PKD1L3: variants seen among roughly 807,000 people sequenced by gnomAD.
The protein encoded by PKD1L3 is polycystin-1-like protein 3.
PKD1L3 carries 239 observed loss-of-function variants against 184.1 expected under a neutral mutation model. The observed-to-expected ratio is 1.30, with a 90% CI of 1.17 to 1.45. The LOEUF (loss-of-function observed/expected upper bound fraction) is 1.45, where lower values mean the gene tolerates loss of function less well. Ranked by LOEUF, PKD1L3 falls within the 40% of genes most tolerant of loss-of-function variation. The pLI, the probability that PKD1L3 is intolerant of heterozygous loss-of-function variation, is 0.00. For synonymous variants in PKD1L3, 996 were observed against 778.8 expected (o/e 1.28, Z -4.64); for missense variants, 2,660 against 2,067.2 (o/e 1.29, Z -5.56).
At chr16:71,933,359 C>T in intron 28 of PKD1L3, 61 bp downstream of exon 28, 2 of 1,262,238 alleles carry the variant, frequency 1.6e-6, no homozygotes, top group Non-Finnish European at 2.3e-6. Flanking sequence ...TCATAAGGAC[C>T]CCCCCAATTT....
Position 71,980,028 on chromosome 16 carries a change from T to G in PKD1L3, c.1250A>C (p.Asn417Thr), listed in dbSNP as rs557582660. 1 of 1,551,978 alleles carries G rather than the reference T, an allele frequency of 6.4e-7. No individual in the cohort carries two copies. Among genetic ancestry groups the G allele is most frequent in the Admixed American group, 2.0e-5 (1 of 50,976 alleles). ...TAACCTGCTCAGCAGCAGAGTAGCA[T>G]TGGCAGAGGTCAAAGTCACTGAAGA... ...PESSVTLTSA[N>T]ATLLLSRQNI... Residue 417 changes from asparagine (N) to threonine (T), a missense_variant, in exon 8 of 30, where the codon AAT becomes ACT. Asn to Thr is a moderately conservative substitution (Grantham distance 65, BLOSUM62 0). Transcript: ENST00000620267.
intron 4 of PKD1L3, among the ~76,000 whole-genome samples, chr16:71,986,879 G>C (rs1386707400): frequency 6.7e-6 from 1 of 149,108 alleles, no homozygotes; most frequent in Non-Finnish European, 1.5e-5. Flanking sequence ...GAGAGAAAGT[G>C]GATGTCATGG....
intron 15 of PKD1L3, 99 bp from the exon 16 acceptor site, chr16:71,963,450 A>G (rs1361024733): frequency 8.0e-7 from 1 of 1,250,470 alleles, no homozygotes; most frequent in Non-Finnish European, 1.1e-6. Context: ...GTCCAAGTAA[A>G]TGAACTGTTT....
At chr16:71,992,224 G>T (rs924174200) in intron 3 of PKD1L3, among the ~76,000 whole-genome samples, 2 of 152,174 alleles carry the variant, frequency 1.3e-5, no homozygotes. Context: ...TAGGCATATT[G>T]CTTGTTAGGT....
intron 16 of PKD1L3, among the ~76,000 whole-genome samples, chr16:71,961,163 T>C (rs2039263494): frequency 6.6e-6 from 1 of 152,104 alleles, no homozygotes; most frequent in Non-Finnish European, 1.5e-5. Context: ...TCTTCACTCC[T>C]TCGCACAGGC....
rs1238210945 is a variant in PKD1L3 at position 71,948,636 on chromosome 16, C to T, written c.3619-1045G>A. Among the ~76,000 whole-genome samples, 3 of 152,074 alleles carry T rather than the reference C, an allele frequency of 2.0e-5. No homozygotes were observed. The East Asian group carries it at 5.8e-4, about 29-fold the overall frequency. On this transcript the variant is annotated intron_variant, in intron 21 of 29. Transcript: ENST00000620267. Reference sequence around the variant, plus strand: ...TTTTCCTTAACGAGCACTGGCTGTTCATTTCCTTGGCATTACTGTGTATTA... The same window carrying T: ...TTTTCCTTAACGAGCACTGGCTGTTTATTTCCTTGGCATTACTGTGTATTA...
At chr16:71,991,175 C>G (rs2040576227) in intron 3 of PKD1L3, 1 of 199,012 alleles carries the variant, frequency 5.0e-6, no homozygotes, top group Admixed American at 4.9e-5. Context: ...TGCCTGTTCT[C>G]CAGTGTCTCC....
intron 12 of PKD1L3, among the ~76,000 whole-genome samples, chr16:71,970,724 C>A (rs946391115): frequency 2.6e-5 from 4 of 152,308 alleles, no homozygotes; most frequent in Middle Eastern, 3.4e-3. Flanking sequence ...AGGAGAATTG[C>A]TTGAACCTGA....
chr16:71,967,275 G>A lies in PKD1L3; in HGVS notation c.2327C>T (p.Pro776Leu), dbSNP rs748647272. 29 of 1,551,472 alleles carry A rather than the reference G, an allele frequency of 1.9e-5. No homozygotes were observed. Among genetic ancestry groups the A allele is most frequent in the Middle Eastern group, 1.7e-4 (1 of 6,012 alleles). ...TLYGSEGRSE[P>L]HHLCDPQKTV... ...CTTCTGGGGGTCACAGAGGTGATGG[G>A]GCTCACTCCGTCCCTCTGATCCATA... The change falls in exon 15 of 30, where the codon CCC (proline) becomes CTC (leucine). Residue 776 changes from proline to leucine, a missense_variant. Coordinates refer to ENST00000620267, the MANE Select transcript of PKD1L3 (RefSeq NM_181536.2).
intron 23 of PKD1L3, among the ~76,000 whole-genome samples, chr16:71,943,286 T>C (rs980710673): frequency 6.6e-6 from 1 of 152,020 alleles, no homozygotes; most frequent in African/African-American, 2.4e-5. Flanking sequence ...CCTGTAATCC[T>C]AGCACTTTGG....
Position 71,967,949 on chromosome 16 carries a change from T to G in PKD1L3, c.2243A>C (p.Gln748Pro). 1.3e-6 allele frequency: 2 copies of G among 1,551,656 alleles called. No individual in the cohort carries two copies. ...GCTTCTTCGATATCCGGTGTAGACC[T>G]GAATAAGGTAGTGAAATTGAGCGCT... Reference protein sequence around the residue: ...DPSAQFHYLIQVYTGYRRSAA... With the variant: ...DPSAQFHYLIPVYTGYRRSAA... Residue 748 changes from glutamine (Q) to proline (P), a missense_variant, in exon 14 of 30, where the codon CAG becomes CCG. By Grantham distance (76) the Gln-to-Pro change is moderately conservative (BLOSUM62 -1). Coordinates refer to ENST00000620267, the MANE Select transcript of PKD1L3 (RefSeq NM_181536.2).
chr16:71,929,607 T>A lies in PKD1L3; in HGVS notation c.5130A>T (p.Lys1710Asn), dbSNP rs1282797140. Residue 1710 changes from lysine to asparagine, a missense_variant, in exon 30 of 30, where the codon AAA becomes AAT. Lys to Asn is a moderately conservative substitution (Grantham distance 94). Transcript: ENST00000620267. ...TCGTGGCTGCTTGCTCAGATGAGGT[T>A]TTTTGGGGCCAACTGATTCCTAACA... is the stretch of plus-strand genomic sequence containing the variant. ...SNLLGISWPQKTSSEQAATTA... is the reference protein window; with the variant it reads ...SNLLGISWPQNTSSEQAATTA... 6.4e-7 allele frequency: 1 copy of A among 1,551,718 alleles called. No homozygotes were observed. The highest frequency in any genetic ancestry group is 1.4e-5 in the African/African-American group (1 of 73,022).
intron 26 of PKD1L3, among the ~76,000 whole-genome samples, chr16:71,934,822 G>C (rs1457127959): frequency 6.6e-6 from 1 of 152,166 alleles, no homozygotes; most frequent in Non-Finnish European, 1.5e-5. Context: ...CAGGCTGTTG[G>C]CCACTGATGC....
intron 15 of PKD1L3, among the ~76,000 whole-genome samples, chr16:71,963,983 A>G (rs901113597): frequency 1.3e-5 from 2 of 152,064 alleles, no homozygotes; most frequent in Non-Finnish European, 1.5e-5. Flanking sequence ...TTTCATCATC[A>G]GGGGGCATAA....
intron 11 of PKD1L3, among the ~76,000 whole-genome samples, 190 bp downstream of exon 11, chr16:71,977,045 CA>C (rs1360558607): frequency 6.6e-6 from 1 of 152,182 alleles, no homozygotes; most frequent in Non-Finnish European, 1.5e-5. Flanking sequence ...GCCCGGCCCA[CA>C]AAATTTTTTT....
At chr16:71,978,506 TA>T in intron 9 of PKD1L3, 123 bp from the exon 10 acceptor site, 3 of 275,724 alleles carry the variant, frequency 1.1e-5, no homozygotes, top group Non-Finnish European at 2.0e-5. Flanking sequence ...TATATATATA[TA>T]TATATATATA....
intron 28 of PKD1L3, among the ~76,000 whole-genome samples, chr16:71,932,780 CTTTTTTTT>C (rs71153681): frequency 1.0e-4 from 10 of 97,090 alleles, no homozygotes; most frequent in East Asian, 6.0e-4. Context: ...CGCACCTGGC[CTTTTTTTT>C]TTTTTTTTTT....
In PKD1L3 at chr16:71,947,581, A is replaced by C. The variant is rs772693920; in HGVS notation, c.3629T>G (p.Phe1210Cys). Residue 1210 changes from phenylalanine (F) to cysteine (C), a missense_variant, in exon 22 of 30, where the codon TTC (phenylalanine) becomes TGC (cysteine). Coordinates refer to ENST00000620267, the MANE Select transcript of PKD1L3 (RefSeq NM_181536.2). ...CATCATCAGTGAGTATAAGAATGTG[A>C]AGAAGACCACCTGGGCAGGAGAATC... ...FISQPVKVVF[F>C]TFLYSLMMSR... 29 of 1,540,458 alleles carry C rather than the reference A, an allele frequency of 1.9e-5. No individual in the cohort carries two copies. Among genetic ancestry groups the C allele is most frequent in the Non-Finnish European group, 2.5e-5 (29 of 1,137,686 alleles).
chr16:71,937,217 G>A (rs1052088657), intron 25 of PKD1L3, 75 bp downstream of exon 25: 3 of 1,433,992 alleles, frequency 2.1e-6, no homozygotes, highest in East Asian at 2.5e-5. Flanking sequence ...CACCACACCT[G>A]GGTAATTTTT....
Sources: allele counts gnomAD v4.1 joint callset (sites outside exome capture counted in the v4.1 genomes callset), GRCh38; gene constraint gnomAD v4.1.1; transcripts MANE v1.5; gene names NCBI Gene and HGNC (gene_info 2026-07-23, HGNC 2026-07-21).